SBNO1: variants seen among roughly 807,000 people sequenced by gnomAD.
SBNO1 encodes the protein strawberry notch homolog 1, also known as protein strawberry notch homolog 1.
Under a neutral mutation model 173.6 loss-of-function variants are expected in SBNO1, and 23 were observed. That is an observed-to-expected ratio of 0.13 (90% CI 0.10 to 0.19). The LOEUF is 0.19. SBNO1 is among the 10% of genes least tolerant of loss of function. The probability of loss-of-function intolerance (pLI) is 1.00; values close to 1 mark genes in which losing one functional copy is unlikely to be tolerated. For missense variants in SBNO1, 1,238 were observed against 1,671.2 expected (o/e 0.74, Z 4.52); for synonymous variants, 632 against 571.5 (o/e 1.11, Z -1.51).
intron 28 of SBNO1, among the ~76,000 whole-genome samples, chr12:123,305,410 T>C (rs2048888278): frequency 6.6e-6 from 1 of 152,102 alleles, no homozygotes; most frequent in South Asian, 2.1e-4. Flanking sequence ...TGTCCACACA[T>C]ATGGAGGTAA....
chr12:123,330,458 A>G lies in SBNO1; in HGVS notation c.1095T>C (p.Asp365=), dbSNP rs745344258. The part of the protein sequence containing the change: ...LKYDAERDLR[D]IGAKNILVHS... ...GAACCAAAATGTTTTTTGCTCCAAT[A>G]TCCCTTAAATCTCTTTCAGCATCAT... The change falls in exon 9 of 32, where the codon GAT becomes GAC. Residue 365 remains aspartate (D), a synonymous_variant. Coordinates refer to ENST00000602398, the MANE Select transcript of SBNO1 (RefSeq NM_001167856.3). 1 of 1,605,464 alleles carries G rather than the reference A, an allele frequency of 6.2e-7. No homozygotes were observed. Among genetic ancestry groups the G allele is most frequent in the Middle Eastern group, 1.7e-4 (1 of 6,052 alleles).
In SBNO1 at chr12:123,295,072, G is replaced by A. The variant is rs1345055566; in HGVS notation, c.*836C>T. 1 of 152,114 alleles carries A rather than the reference G, an allele frequency of 6.6e-6. No homozygotes were observed. Among genetic ancestry groups the A allele is most frequent in the Non-Finnish European group, 1.5e-5 (1 of 68,016 alleles). 9.4% of individuals were successfully genotyped at this position (152,114 alleles called of 1,614,324 possible). A position where few individuals can be genotyped will look rare whatever the true frequency, so the allele number is the denominator to read the frequency against. ...TTAAGTTGCAAATGTAAATTTAAGA[G>A]GCTCATAGCCATTTCTGCAGCACAC... is the stretch of plus-strand genomic sequence containing the variant. On this transcript the variant is annotated 3_prime_UTR_variant, in exon 32 of 32. Transcript: ENST00000602398.
chr12:123,356,304 A>G (rs748862843), intron 1 of SBNO1, among the ~76,000 whole-genome samples: 1 of 152,216 alleles, frequency 6.6e-6, no homozygotes, highest in Non-Finnish European at 1.5e-5. Context: ...GCTAGCTACT[A>G]TCATTTATAT....
At chr12:123,317,669 A>G (rs1869444610) in intron 20 of SBNO1, among the ~76,000 whole-genome samples, 1 of 152,216 alleles carries the variant, frequency 6.6e-6, no homozygotes, top group Admixed American at 6.5e-5. Context: ...CTTGGAATAC[A>G]AAGGTAACTT....
chr12:123,320,316 A>G, intron 19 of SBNO1, 116 bp downstream of exon 19: 1 of 1,056,610 alleles, frequency 9.5e-7, no homozygotes, highest in East Asian at 2.4e-5. Context: ...CTAAAGTAGA[A>G]CAAGAATTCT....
intron 16 of SBNO1, 41 bp from the exon 17 acceptor site, chr12:123,321,773 T>TTTG (rs1870003308): frequency 6.6e-7 from 1 of 1,517,882 alleles, no homozygotes; most frequent in African/African-American, 1.4e-5. Flanking sequence ...CCAAATTCAA[T>TTTG]GTTTCTTAAG....
At chr12:123,356,319 G>A (rs9739565) in intron 1 of SBNO1, among the ~76,000 whole-genome samples, 144,804 of 152,066 alleles carry the variant, frequency 0.95, 69,077 homozygotes, top group Non-Finnish European at 0.96. Flanking sequence ...TTATATATAT[G>A]TTAGTATTTC....
At chr12:123,333,440 T>C (rs1871459499) in intron 7 of SBNO1, among the ~76,000 whole-genome samples, 1 of 152,062 alleles carries the variant, frequency 6.6e-6, no homozygotes. Flanking sequence ...TATGTTCTTA[T>C]CTAACAGTTC....
chr12:123,322,054 G>C (rs1308608556), intron 16 of SBNO1, among the ~76,000 whole-genome samples: 1 of 152,216 alleles, frequency 6.6e-6, no homozygotes, highest in East Asian at 1.9e-4. Flanking sequence ...ATTTGACTGT[G>C]TATCAGATTT....
intron 1 of SBNO1, among the ~76,000 whole-genome samples, chr12:123,362,413 G>A (rs1254969170): frequency 2.6e-5 from 3 of 114,248 alleles, no homozygotes; most frequent in Admixed American, 2.6e-4. Flanking sequence ...TCCAGCCTGG[G>A]CCACTGAGCG....
intron 1 of SBNO1, chr12:123,364,450 C>A (rs1875858646): frequency 2.0e-6 from 2 of 985,400 alleles, no homozygotes; most frequent in African/African-American, 1.7e-5. Context: ...GAAAGCCCCA[C>A]GAGCGGCGAC....
At chr12:123,352,315 G>A (rs1446598701) in intron 1 of SBNO1, among the ~76,000 whole-genome samples, 4 of 152,198 alleles carry the variant, frequency 2.6e-5, no homozygotes, top group African/African-American at 9.6e-5. Context: ...TTAGCCAAGA[G>A]TACGATCAGC....
intron 20 of SBNO1, 75 bp from the exon 21 acceptor site, chr12:123,317,431 C>T (rs1869415229): frequency 7.8e-7 from 1 of 1,285,436 alleles, no homozygotes; most frequent in African/African-American, 1.5e-5. Context: ...TGAAGTCCTT[C>T]AGCAGACTGC....
intron 1 of SBNO1, among the ~76,000 whole-genome samples, chr12:123,359,422 C>T (rs566356902): frequency 4.6e-4 from 70 of 151,654 alleles, no homozygotes; most frequent in African/African-American, 1.7e-3. Flanking sequence ...GGTAGCTGGG[C>T]GTGGTGGCAC....
intron 1 of SBNO1, among the ~76,000 whole-genome samples, chr12:123,359,734 A>G (rs1001380104): frequency 7.9e-5 from 12 of 152,124 alleles, no homozygotes; most frequent in Non-Finnish European, 1.6e-4. Context: ...CTTATTCATA[A>G]AAGAGAATTC....
At chr12:123,328,446 G>A (rs925066125) in intron 10 of SBNO1, among the ~76,000 whole-genome samples, 17 of 152,094 alleles carry the variant, frequency 1.1e-4, no homozygotes, top group African/African-American at 4.1e-4. Context: ...TAGTCTTCTC[G>A]GGTATTCTGC....
intron 29 of SBNO1, among the ~76,000 whole-genome samples, chr12:123,303,646 T>C (rs1043187138): frequency 1.3e-5 from 2 of 149,846 alleles, no homozygotes; most frequent in African/African-American, 5.1e-5. Flanking sequence ...CCTTAGAAGT[T>C]TCTTAAGGCT....
At chr12:123,343,819 A>G (rs557200839) in intron 4 of SBNO1, among the ~76,000 whole-genome samples, 1 of 152,250 alleles carries the variant, frequency 6.6e-6, no homozygotes, top group South Asian at 2.1e-4. Context: ...TACAGGCATG[A>G]GCCACCGCGT....
At chr12:123,315,138 C>G (rs554411559) in intron 23 of SBNO1, among the ~76,000 whole-genome samples, 1 of 152,306 alleles carries the variant, frequency 6.6e-6, no homozygotes, top group South Asian at 2.1e-4. Flanking sequence ...ACAGTTAATT[C>G]AGTCTCATTT....
Sources: allele counts gnomAD v4.1 joint callset (sites outside exome capture counted in the v4.1 genomes callset), GRCh38; gene constraint gnomAD v4.1.1; transcripts MANE v1.5; gene names NCBI Gene and HGNC (gene_info 2026-07-23, HGNC 2026-07-21).